RSPH14: variants seen among roughly 807,000 people sequenced by gnomAD.
The protein encoded by RSPH14 is radial spoke head 14 homolog, also known as rhabdoid tumor deletion region gene 1.
RSPH14 carries 20 observed loss-of-function variants against 26.7 expected under a neutral mutation model. That is an observed-to-expected ratio of 0.75 (90% CI 0.53 to 1.09). The LOEUF is 1.09. Ranked by LOEUF, RSPH14 falls within the 50% of genes least tolerant of loss-of-function variation. RSPH14 has a pLI of 0.00. For synonymous variants in RSPH14, 177 were observed against 189.3 expected (o/e 0.93, Z 0.53); for missense variants, 449 against 457.2 (o/e 0.98, Z 0.16).
chr22:23,080,696 A>G lies in RSPH14; in HGVS notation c.422-16563T>C, dbSNP rs559637693. ...GCAAAGAGCCCACAAACACGGAGTC[A>G]CATGTCCTCAAGCCATGAATCAGTG... On this transcript the variant is annotated intron_variant, in intron 4 of 6. Transcript: ENST00000216036. Among the ~76,000 whole-genome samples, 7 of 152,364 alleles carry G rather than the reference A, an allele frequency of 4.6e-5. No homozygotes were observed. In the East Asian group the frequency reaches 1.3e-3, roughly 29 times the overall value.
chr22:23,060,550 T>C (rs1243974291), intron 6 of RSPH14, among the ~76,000 whole-genome samples: 3 of 152,028 alleles, frequency 2.0e-5, no homozygotes, highest in African/African-American at 7.2e-5. Context: ...AAAACACACA[T>C]GGTTCCTGAG....
At chr22:23,130,456 A>G (rs1372700990) in intron 4 of RSPH14, among the ~76,000 whole-genome samples, 24 of 131,692 alleles carry the variant, frequency 1.8e-4, no homozygotes, top group Admixed American at 2.4e-4. Context: ...CTCTGTCTCA[A>G]AAAAAAAAGA....
intron 4 of RSPH14, among the ~76,000 whole-genome samples, chr22:23,119,399 C>T (rs895056355): frequency 6.6e-6 from 1 of 152,350 alleles, no homozygotes; most frequent in African/African-American, 2.4e-5. Flanking sequence ...AGGGTCCTGA[C>T]TTTGTAACCG....
intron 2 of RSPH14, among the ~76,000 whole-genome samples, chr22:23,139,690 C>T (rs1439300977): frequency 6.6e-6 from 1 of 152,156 alleles, no homozygotes; most frequent in Non-Finnish European, 1.5e-5. Flanking sequence ...CCTAGACTTA[C>T]AATCCTTCTC....
At chr22:23,149,740 C>CA (rs2070995467), upstream of RSPH14, among the ~76,000 whole-genome samples, 1 of 152,172 alleles carries the variant, frequency 6.6e-6, no homozygotes, top group South Asian at 2.1e-4. Context: ...AAAAGAGCTC[C>CA]ACTCGTCTCG....
chr22:23,067,943 A>G (rs1037661270), intron 4 of RSPH14, among the ~76,000 whole-genome samples: 8 of 152,196 alleles, frequency 5.3e-5, no homozygotes, highest in Non-Finnish European at 1.0e-4. Context: ...TATTATGTCC[A>G]GTAGGACAAC....
intron 4 of RSPH14, among the ~76,000 whole-genome samples, chr22:23,068,964 T>G (rs1309978476): frequency 6.6e-6 from 1 of 152,170 alleles, no homozygotes; most frequent in Non-Finnish European, 1.5e-5. Context: ...ACACCTCCAG[T>G]GAGCACTAAG....
chr22:23,145,595 A>G, upstream of RSPH14: 3 of 1,565,314 alleles, frequency 1.9e-6, no homozygotes, highest in Non-Finnish European at 2.6e-6. Flanking sequence ...CGGTCACCCA[A>G]CCCCGTGCTG....
At chr22:23,165,147 C>T in the RSPH14 span, among the ~76,000 whole-genome samples, 1 of 152,190 alleles carries the variant, frequency 6.6e-6, no homozygotes, top group Non-Finnish European at 1.5e-5. Context: ...TCTACTGTCT[C>T]CCCTAGCACC....
chr22:23,142,812 A>G, upstream of RSPH14, among the ~76,000 whole-genome samples: 1 of 152,198 alleles, frequency 6.6e-6, no homozygotes, highest in Non-Finnish European at 1.5e-5. Flanking sequence ...CACCACCTGC[A>G]TAAAACCCTC....
intron 4 of RSPH14, among the ~76,000 whole-genome samples, chr22:23,070,973 G>A (rs1216496980): frequency 6.6e-6 from 1 of 152,098 alleles, no homozygotes. Context: ...GGTCTCCCTA[G>A]GGGGAGGATC....
intron 1 of RSPH14, 100 bp from the exon 2 acceptor site, chr22:23,140,572 A>C: frequency 7.6e-7 from 1 of 1,318,770 alleles, no homozygotes; most frequent in Non-Finnish European, 1.0e-6. Flanking sequence ...GGGTATTTTT[A>C]CTTTCATTTT....
chr22:23,117,957 TC>T (rs2069899350), intron 4 of RSPH14, among the ~76,000 whole-genome samples: 1 of 152,192 alleles, frequency 6.6e-6, no homozygotes, highest in South Asian at 2.1e-4. Context: ...GGAATGTCCT[TC>T]CAGGTGCCGG....
chr22:23,147,928 C>T (rs75887676), upstream of RSPH14, among the ~76,000 whole-genome samples: 4,646 of 152,026 alleles, frequency 0.031, 247 homozygotes, highest in African/African-American at 0.11. Flanking sequence ...TGTGTGAAAA[C>T]AAGGAGAGGG....
At chr22:23,104,541 C>T (rs974201586) in intron 4 of RSPH14, among the ~76,000 whole-genome samples, 12 of 152,216 alleles carry the variant, frequency 7.9e-5, no homozygotes, top group African/African-American at 2.4e-4. Flanking sequence ...GCTCAGTACA[C>T]ACACATGAGA....
chr22:23,082,976 C>T (rs1313982235), intron 4 of RSPH14, among the ~76,000 whole-genome samples: 2 of 151,882 alleles, frequency 1.3e-5, no homozygotes, highest in Non-Finnish European at 2.9e-5. Flanking sequence ...TAAGGTGGGG[C>T]GTGAGCTGGC....
At chr22:23,111,342 A>C (rs1326362550) in intron 4 of RSPH14, among the ~76,000 whole-genome samples, 1 of 152,202 alleles carries the variant, frequency 6.6e-6, no homozygotes, top group Non-Finnish European at 1.5e-5. Context: ...CTCCAAGCCC[A>C]GGCCAGGGGA....
intron 3 of RSPH14, among the ~76,000 whole-genome samples, chr22:23,135,583 T>C (rs2070462745): frequency 6.6e-6 from 1 of 152,056 alleles, no homozygotes; most frequent in African/African-American, 2.4e-5. Flanking sequence ...TGTCTTTGAG[T>C]TCTTGCTCTA....
intron 4 of RSPH14, among the ~76,000 whole-genome samples, chr22:23,103,949 T>G (rs1226049145): frequency 6.6e-6 from 1 of 152,190 alleles, no homozygotes; most frequent in Non-Finnish European, 1.5e-5. Flanking sequence ...AACAGTTTTC[T>G]AGGTGCAGAG....
Sources: allele counts gnomAD v4.1 joint callset (sites outside exome capture counted in the v4.1 genomes callset), GRCh38; gene constraint gnomAD v4.1.1; transcripts MANE v1.5; gene names NCBI Gene and HGNC (gene_info 2026-07-23, HGNC 2026-07-21).